The following KIAA1671 variants were observed in gnomAD, a reference collection of about 807,000 sequenced individuals.
KIAA1671 encodes the protein uncharacterized protein KIAA1671.
Under a neutral mutation model 131.2 loss-of-function variants are expected in KIAA1671, and 52 were observed. The ratio of observed to expected loss-of-function variants is 0.40; its 90% CI spans 0.32 to 0.50. KIAA1671 has a LOEUF of 0.50. KIAA1671 is among the 20% of genes least tolerant of loss of function. The pLI is 0.73. For synonymous variants in KIAA1671, 1,003 were observed against 961.6 expected (o/e 1.04, Z -0.80); for missense variants, 2,360 against 2,364.2 (o/e 1.00, Z 0.04).
chr22:25,030,241 A>G (rs2145790245), intron 3 of KIAA1671, among the ~76,000 whole-genome samples: 1 of 152,340 alleles, frequency 6.6e-6, no homozygotes, highest in South Asian at 2.1e-4. Context: ...CAGTTGGTTA[A>G]TAATGATGTT....
intron 1 of KIAA1671, among the ~76,000 whole-genome samples, chr22:24,980,272 T>A (rs1286203262): frequency 6.9e-6 from 1 of 144,478 alleles, no homozygotes; most frequent in Non-Finnish European, 1.5e-5. Flanking sequence ...TTTCTTTGAT[T>A]TTTTTTTTTT....
chr22:25,160,292 G>C, intron 6 of KIAA1671, among the ~76,000 whole-genome samples: 1 of 152,174 alleles, frequency 6.6e-6, no homozygotes, highest in East Asian at 1.9e-4. Flanking sequence ...GCACACAGGT[G>C]CACACGGGTG....
At chr22:25,095,077 C>A (rs925346569) in intron 6 of KIAA1671, among the ~76,000 whole-genome samples, 1 of 152,218 alleles carries the variant, frequency 6.6e-6, no homozygotes, top group South Asian at 2.1e-4. Flanking sequence ...AGTTCACCAG[C>A]CTTCAGACCA....
chr22:25,126,108 G>A (rs1426932529), intron 6 of KIAA1671, among the ~76,000 whole-genome samples: 2 of 152,196 alleles, frequency 1.3e-5, no homozygotes, highest in Non-Finnish European at 2.9e-5. Flanking sequence ...GGGAGGTTCA[G>A]ATGGGGGCAG....
intron 6 of KIAA1671, among the ~76,000 whole-genome samples, chr22:25,103,338 G>A (rs1023771076): frequency 6.6e-6 from 1 of 151,874 alleles, no homozygotes; most frequent in Non-Finnish European, 1.5e-5. Flanking sequence ...AGCCTCCCGG[G>A]TAGCTGGGAT....
intron 6 of KIAA1671, among the ~76,000 whole-genome samples, chr22:25,148,846 G>T (rs1932944977): frequency 6.6e-6 from 1 of 152,186 alleles, no homozygotes; most frequent in Non-Finnish European, 1.5e-5. Context: ...AGTGTTTACT[G>T]CAAGGGCTTT....
chr22:25,140,118 G>T (rs1373849912), intron 6 of KIAA1671, among the ~76,000 whole-genome samples: 2 of 152,246 alleles, frequency 1.3e-5, no homozygotes, highest in Admixed American at 6.5e-5. Context: ...CAATCCGGGT[G>T]TTGGCTGGGC....
intron 1 of KIAA1671, among the ~76,000 whole-genome samples, chr22:24,975,516 G>A (rs1032049273): frequency 5.9e-5 from 9 of 151,922 alleles, no homozygotes; most frequent in South Asian, 2.1e-4. Flanking sequence ...ATGGAGTTTC[G>A]CTCTGTTGCT....
At chr22:25,055,118 A>G (rs1000796811) in intron 6 of KIAA1671, 7 of 149,732 alleles carry the variant, frequency 4.7e-5, no homozygotes, top group Non-Finnish European at 1.0e-4. Flanking sequence ...TGTACGCAGG[A>G]TCTGCCAGGG....
chr22:25,045,907 A>C (rs1927200779), intron 5 of KIAA1671, among the ~76,000 whole-genome samples: 1 of 151,072 alleles, frequency 6.6e-6, no homozygotes, highest in African/African-American at 2.4e-5. Flanking sequence ...TCCTCTTTTT[A>C]ATGGTTGCGA....
chr22:25,193,709 GC>G lies in KIAA1671; in HGVS notation c.*1311del, dbSNP rs1934739741. On this transcript the variant is annotated 3_prime_UTR_variant, in exon 13 of 13. Transcript: ENST00000358431. ...TCTTTAGGTTAGGATAAACACCTGGGCCCTGGTGAGGCAGTTGCTGTTCAGC... is the reference window on the plus strand; with the variant it reads ...TCTTTAGGTTAGGATAAACACCTGGGCCTGGTGAGGCAGTTGCTGTTCAGC... 6.6e-6 allele frequency: 1 copy of G among 152,178 alleles called. No individual in the cohort carries two copies. Among genetic ancestry groups the G allele is most frequent in the Non-Finnish European group, 1.5e-5 (1 of 68,074 alleles). 9.4% of individuals were successfully genotyped at this position (152,178 alleles called of 1,614,324 possible).
At chr22:25,191,423 T>A (rs915202558) in intron 12 of KIAA1671, among the ~76,000 whole-genome samples, 2 of 152,202 alleles carry the variant, frequency 1.3e-5, no homozygotes, top group African/African-American at 4.8e-5. Context: ...CCCAAAGTGC[T>A]GGGATTATAG....
Position 25,195,122 on chromosome 22 carries a change from T to C in KIAA1671, c.*2721T>C, listed in dbSNP as rs1384899176. ...CCCCTGGGGCTTTGGCTGTCCTCAA[T>C]GAGAGTTTCATGCAGAATGGAAAAT... On this transcript the variant is annotated 3_prime_UTR_variant, in exon 13 of 13. Transcript: ENST00000358431. The C allele has an allele frequency of 6.6e-6, 1 of 152,096 alleles. No individual in the cohort carries two copies. The highest frequency in any genetic ancestry group is 1.5e-5 in the Non-Finnish European group (1 of 68,006). 9.4% of individuals were successfully genotyped at this position (152,096 alleles called of 1,614,324 possible). A position where few individuals can be genotyped will look rare whatever the true frequency, so the allele number is the denominator to read the frequency against.
At chr22:25,106,078 A>G (rs1930993101) in intron 6 of KIAA1671, among the ~76,000 whole-genome samples, 1 of 152,210 alleles carries the variant, frequency 6.6e-6, no homozygotes, top group African/African-American at 2.4e-5. Flanking sequence ...GTTCCCTAGA[A>G]GCAGAGACTG....
At chr22:25,117,636 C>CACACAG (rs1491355386) in intron 6 of KIAA1671, among the ~76,000 whole-genome samples, 18 of 144,530 alleles carry the variant, frequency 1.2e-4, no homozygotes, top group Admixed American at 3.5e-4. Flanking sequence ...CACACACACA[C>CACACAG]AGACACACTG....
intron 8 of KIAA1671, 50 bp from the exon 9 acceptor site, chr22:25,177,298 A>T (rs750351076): frequency 1.3e-6 from 2 of 1,506,412 alleles, no homozygotes; most frequent in South Asian, 1.3e-5. Context: ...GGTACCCTCC[A>T]TTGATGGTTC....
chr22:25,129,507 G>GAAAAAAAAAAAAAAAA (rs768667507), intron 6 of KIAA1671, among the ~76,000 whole-genome samples: 78 of 130,852 alleles, frequency 6.0e-4, no homozygotes, highest in African/African-American at 2.1e-3. Flanking sequence ...GACTCCATCT[G>GAAAAAAAAAAAAAAAA]AAAAAAAAAA....
chr22:25,106,593 AT>A (rs1313318320), intron 6 of KIAA1671, among the ~76,000 whole-genome samples: 8 of 152,290 alleles, frequency 5.3e-5, no homozygotes, highest in African/African-American at 1.7e-4. Flanking sequence ...CTTAATCATG[AT>A]GCTATACTTA....
chr22:25,016,029 T>C (rs1193802860), intron 1 of KIAA1671, among the ~76,000 whole-genome samples: 2 of 152,032 alleles, frequency 1.3e-5, no homozygotes, highest in Non-Finnish European at 1.5e-5. Context: ...TTTTTTCTTT[T>C]TTTTTTTCCC....
Sources: allele counts gnomAD v4.1 joint callset (sites outside exome capture counted in the v4.1 genomes callset), GRCh38; gene constraint gnomAD v4.1.1; transcripts MANE v1.5; gene names NCBI Gene and HGNC (gene_info 2026-07-23, HGNC 2026-07-21).